The following NETO1 variants were observed in gnomAD, a reference collection of about 807,000 sequenced individuals.
NETO1 encodes neuropilin and tolloid like 1.
NETO1 carries 26 observed loss-of-function variants against 61.3 expected under a neutral mutation model. That is an observed-to-expected ratio of 0.42 (90% CI 0.31 to 0.59). NETO1 has a LOEUF of 0.59. NETO1 is among the 20% of genes least tolerant of loss of function. NETO1 has a pLI of 0.12. For missense variants in NETO1, 531 were observed against 662.8 expected (o/e 0.80, Z 2.18); for synonymous variants, 225 against 225.8 (o/e 1.00, Z 0.03).
intron 4 of NETO1, among the ~76,000 whole-genome samples, chr18:72,840,863 G>A (rs187033655): frequency 6.6e-6 from 1 of 152,202 alleles, no homozygotes; most frequent in African/African-American, 2.4e-5. Flanking sequence ...ACACTAAGCA[G>A]AACAGGTGAA....
chr18:72,861,222 G>A (rs2074562531), intron 3 of NETO1, among the ~76,000 whole-genome samples: 1 of 152,202 alleles, frequency 6.6e-6, no homozygotes, highest in South Asian at 2.1e-4. Flanking sequence ...CTTTTGGTAG[G>A]CAACATTGTA....
At chr18:72,814,321 G>A (rs1163920313) in intron 4 of NETO1, among the ~76,000 whole-genome samples, 3 of 152,136 alleles carry the variant, frequency 2.0e-5, no homozygotes, top group African/African-American at 7.2e-5. Flanking sequence ...AATAATGACA[G>A]CAGATTTTGA....
chr18:72,856,611 A>G (rs2074417408), intron 4 of NETO1, among the ~76,000 whole-genome samples: 1 of 152,214 alleles, frequency 6.6e-6, no homozygotes. Flanking sequence ...GATAGAATAT[A>G]AAGGACCGTG....
intron 7 of NETO1, among the ~76,000 whole-genome samples, chr18:72,758,725 A>C (rs1239035366): frequency 1.3e-5 from 2 of 151,954 alleles, no homozygotes; most frequent in Middle Eastern, 3.2e-3. Context: ...AATTCCAGCT[A>C]CTCGGGAGGC....
At chr18:72,788,558 T>C (rs1288770927) in intron 6 of NETO1, among the ~76,000 whole-genome samples, 1 of 151,568 alleles carries the variant, frequency 6.6e-6, no homozygotes, top group Non-Finnish European at 1.5e-5. Context: ...AGTCACTTAC[T>C]GAAAAAAAAA....
chr18:72,822,482 G>A (rs1266925809), intron 4 of NETO1, among the ~76,000 whole-genome samples: 1 of 152,194 alleles, frequency 6.6e-6, no homozygotes, highest in East Asian at 1.9e-4. Context: ...CAGGGAGCGG[G>A]AGCCATTTGC....
At chr18:72,854,425 A>G (rs1172655188) in intron 4 of NETO1, among the ~76,000 whole-genome samples, 2 of 152,210 alleles carry the variant, frequency 1.3e-5, no homozygotes, top group Non-Finnish European at 2.9e-5. Flanking sequence ...TAAACATCCC[A>G]TTCTATGTCT....
intron 4 of NETO1, among the ~76,000 whole-genome samples, chr18:72,857,116 C>T (rs2074431584): frequency 6.6e-6 from 1 of 152,158 alleles, no homozygotes; most frequent in South Asian, 2.1e-4. Context: ...TTTTATGGTC[C>T]TAGCTTTCCC....
chr18:72,835,457 C>T (rs2073715226), intron 4 of NETO1: 1 of 493,982 alleles, frequency 2.0e-6, no homozygotes, highest in African/African-American at 2.0e-5. Flanking sequence ...GTTAAAACTC[C>T]TGTTTATTCT....
chr18:72,756,943 A>C (rs1250068465), intron 7 of NETO1, among the ~76,000 whole-genome samples: 7 of 152,136 alleles, frequency 4.6e-5, no homozygotes, highest in Non-Finnish European at 1.5e-5. Flanking sequence ...CATTTCTTTC[A>C]TTATTGGAGT....
Position 72,831,994 on chromosome 18 carries a change from C to G in NETO1, c.469+26832G>C, listed in dbSNP as rs2073596463. Among the ~76,000 whole-genome samples, 3 of 152,224 alleles carry G rather than the reference C, an allele frequency of 2.0e-5. No individual in the cohort carries two copies. In the South Asian group the frequency reaches 6.2e-4, roughly 32 times the overall value. On this transcript the variant is annotated intron_variant, in intron 4 of 10. Coordinates refer to ENST00000327305, the MANE Select transcript of NETO1 (RefSeq NM_138966.5). ...TAGTTTGAGTTAAAGGCCCTTACTTCCTTAAAGTGATGTACTTATCTTTAT... is the reference window on the plus strand; with the variant it reads ...TAGTTTGAGTTAAAGGCCCTTACTTGCTTAAAGTGATGTACTTATCTTTAT...
intron 7 of NETO1, among the ~76,000 whole-genome samples, chr18:72,757,340 T>C (rs2070817005): frequency 6.6e-6 from 1 of 152,086 alleles, no homozygotes; most frequent in South Asian, 2.1e-4. Context: ...AAAACAATAC[T>C]TTGCAATTTA....
intron 4 of NETO1, among the ~76,000 whole-genome samples, chr18:72,828,996 A>AC (rs1460336594): frequency 1.3e-5 from 2 of 152,154 alleles, no homozygotes; most frequent in African/African-American, 4.8e-5. Flanking sequence ...AAAGAAAATT[A>AC]CCCCTTAACA....
chr18:72,755,036 T>G lies in NETO1; in HGVS notation c.982+998A>C, dbSNP rs138527525. ...AGGCTAAAGGAATCATTTTTCTTTCTGAAAAAAATAAATATGGACTTTCAT... is the reference window on the plus strand; with the variant it reads ...AGGCTAAAGGAATCATTTTTCTTTCGGAAAAAAATAAATATGGACTTTCAT... On this transcript the variant is annotated intron_variant, in intron 8 of 10. Coordinates refer to ENST00000327305, the MANE Select transcript of NETO1 (RefSeq NM_138966.5). Among the ~76,000 whole-genome samples, 528 of 152,326 alleles carry G rather than the reference T, an allele frequency of 3.5e-3. 14 individuals are homozygous for G. The South Asian group carries it at 0.072, about 21-fold the overall frequency.
intron 7 of NETO1, among the ~76,000 whole-genome samples, chr18:72,775,089 C>A (rs927953025): frequency 1.3e-5 from 2 of 152,190 alleles, no homozygotes; most frequent in African/African-American, 2.4e-5. Context: ...TCTTTGACAA[C>A]ACTGAAAGAG....
chr18:72,787,439 C>G (rs2071959231), intron 6 of NETO1, among the ~76,000 whole-genome samples: 1 of 151,362 alleles, frequency 6.6e-6, no homozygotes, highest in Admixed American at 6.6e-5. Flanking sequence ...TTGGCTAATA[C>G]AAAAAAAAGC....
chr18:72,793,115 C>A (rs1428062430), intron 6 of NETO1, among the ~76,000 whole-genome samples: 1 of 152,124 alleles, frequency 6.6e-6, no homozygotes, highest in African/African-American at 2.4e-5. Flanking sequence ...AGAACAGGGC[C>A]TGGCCTGCTT....
At chr18:72,781,138 T>C (rs1198191078) in intron 7 of NETO1, among the ~76,000 whole-genome samples, 1 of 152,214 alleles carries the variant, frequency 6.6e-6, no homozygotes, top group Non-Finnish European at 1.5e-5. Context: ...GTCTCTATTA[T>C]ATTTTATGGT....
intron 8 of NETO1, among the ~76,000 whole-genome samples, chr18:72,754,022 TA>T (rs1017441320): frequency 2.6e-5 from 4 of 152,148 alleles, no homozygotes; most frequent in African/African-American, 7.2e-5. Flanking sequence ...ATGTAACGTT[TA>T]AAAATGTAAT....
Sources: gnomAD v4.1 joint callset for allele counts (sites outside exome capture counted in the v4.1 genomes callset) on GRCh38, gnomAD v4.1.1 for gene constraint, MANE v1.5 for transcripts, NCBI Gene and HGNC (gene_info 2026-07-23, HGNC 2026-07-21) for gene names.